SBF2: variants seen among roughly 807,000 people sequenced by gnomAD.
The protein encoded by SBF2 is myotubularin-related protein 13.
Under a neutral mutation model 225.2 loss-of-function variants are expected in SBF2, and 112 were observed. The observed-to-expected ratio is 0.50, with a 90% CI of 0.43 to 0.58. The LOEUF is 0.58. SBF2 is among the 20% of genes least tolerant of loss of function. SBF2 has a pLI of 0.00. For synonymous variants in SBF2, 763 were observed against 773.3 expected, an observed-to-expected ratio of 0.99 and a Z score of 0.22; for missense variants, 1,996 against 2,206.2, an observed-to-expected ratio of 0.90 and a Z score of 1.91.
chr11:9,972,257 A>G (rs889643388), intron 13 of SBF2, among the ~76,000 whole-genome samples: 1 of 152,172 alleles, frequency 6.6e-6, no homozygotes, highest in Admixed American at 6.5e-5. Context: ...GTTAGAACAC[A>G]CAAACACACA....
At chr11:9,867,397 C>T (rs1351519228) in intron 17 of SBF2, among the ~76,000 whole-genome samples, 2 of 151,900 alleles carry the variant, frequency 1.3e-5, no homozygotes, top group Admixed American at 1.3e-4. Context: ...TAACAGATGC[C>T]GGTAAGGACA....
chr11:10,020,612 G>A (rs1203844863), intron 6 of SBF2, among the ~76,000 whole-genome samples: 1 of 152,090 alleles, frequency 6.6e-6, no homozygotes, highest in East Asian at 1.9e-4. Context: ...CTCTCACTCT[G>A]CCTTAGGCCC....
At chr11:10,223,397 CATTA>C (rs1353816774) in intron 1 of SBF2, among the ~76,000 whole-genome samples, 1 of 61,144 alleles carries the variant, frequency 1.6e-5, no homozygotes, top group Non-Finnish European at 3.3e-5. Context: ...ATATTTTGCA[CATTA>C]TATATATATA....
intron 15 of SBF2, among the ~76,000 whole-genome samples, chr11:9,963,559 A>G (rs1483184875): frequency 6.6e-6 from 1 of 152,216 alleles, no homozygotes; most frequent in African/African-American, 2.4e-5. Flanking sequence ...GACAGAAAAA[A>G]TTACTATGAA....
chr11:9,791,731 C>G (rs1021679128), intron 33 of SBF2, among the ~76,000 whole-genome samples: 34 of 152,236 alleles, frequency 2.2e-4, no homozygotes, highest in African/African-American at 8.2e-4. Context: ...ATTTTGAAAG[C>G]CACCTTGTAT....
chr11:9,808,138 A>G lies in SBF2; in HGVS notation c.4305T>C (p.Leu1435=), dbSNP rs1219329129. The G allele has an allele frequency of 6.2e-7, 1 of 1,614,170 alleles. No individual in the cohort carries two copies. The highest frequency in any genetic ancestry group is 1.7e-5 in the Admixed American group (1 of 60,024). ...QLLSDPFYRT[L]EGFQMLVEKE... ...TTTCAACCAACATCTGGAAGCCTTC[A>G]AGTGTCCTATAAAAGGGATCACTGA... Residue 1435 remains leucine (L), a synonymous_variant, in exon 32 of 40, where the codon CTT becomes CTC. Transcript: ENST00000256190.
intron 2 of SBF2, among the ~76,000 whole-genome samples, chr11:10,123,561 A>C (rs193111735): frequency 1.4e-3 from 213 of 152,220 alleles, no homozygotes; most frequent in Non-Finnish European, 2.7e-3. Context: ...TCCCTACTTG[A>C]AAAAAGAGAG....
chr11:10,170,622 C>A (rs1956146188), intron 2 of SBF2, among the ~76,000 whole-genome samples: 1 of 151,780 alleles, frequency 6.6e-6, no homozygotes, highest in South Asian at 2.1e-4. Context: ...ATAGCTTTGG[C>A]TATTCTGGGT....
chr11:9,880,946 T>C (rs895849236), intron 17 of SBF2, among the ~76,000 whole-genome samples: 51 of 152,290 alleles, frequency 3.3e-4, no homozygotes, highest in African/African-American at 1.1e-3. Context: ...AGGAAACCTA[T>C]AATTTATTTA....
In SBF2 at chr11:9,809,179, CTT is replaced by C; in HGVS notation, c.4156-179_4156-178del. Reference sequence around the variant, plus strand: ...TTCAAATCAAGATTAAACAATGACACTTTTGACTGGATGCAATGACTCATGCC... The same window carrying C: ...TTCAAATCAAGATTAAACAATGACACTTGACTGGATGCAATGACTCATGCC... On this transcript the variant is annotated intron_variant, in intron 30 of 39. Coordinates refer to ENST00000256190, the MANE Select transcript of SBF2 (RefSeq NM_030962.4). 5.2e-6 allele frequency: 3 copies of C among 577,098 alleles called. No individual in the cohort carries two copies. The South Asian group carries it at 5.8e-5, about 11-fold the overall frequency. The allele number at this position is 577,098 out of a possible 1,614,324, so 35.7% of individuals were successfully genotyped here. A position where few individuals can be genotyped will look rare whatever the true frequency, so the allele number is the denominator to read the frequency against.
At chr11:9,976,131 T>A (rs1315130076) in intron 13 of SBF2, among the ~76,000 whole-genome samples, 3 of 148,642 alleles carry the variant, frequency 2.0e-5, no homozygotes, top group Non-Finnish European at 3.0e-5. Flanking sequence ...TGGAGTGCAA[T>A]GACGTGATCT....
intron 4 of SBF2, 55 bp downstream of exon 4, chr11:10,030,993 T>C (rs567714189): frequency 1.4e-6 from 2 of 1,471,304 alleles, no homozygotes; most frequent in African/African-American, 1.4e-5. Context: ...CCATGGTTCA[T>C]TCAAGAGACT....
chr11:10,092,828 T>C (rs1951838061), intron 2 of SBF2, among the ~76,000 whole-genome samples: 1 of 152,154 alleles, frequency 6.6e-6, no homozygotes, highest in African/African-American at 2.4e-5. Context: ...GAATGCAGTG[T>C]AGGCAATTTT....
chr11:10,291,518 G>C (rs376862801), intron 1 of SBF2, among the ~76,000 whole-genome samples: 5 of 152,074 alleles, frequency 3.3e-5, no homozygotes, highest in African/African-American at 4.8e-5. Flanking sequence ...TATAATCCGC[G>C]AGCTCCCCTT....
At chr11:10,167,207 T>C (rs1327557157) in intron 2 of SBF2, among the ~76,000 whole-genome samples, 2 of 152,194 alleles carry the variant, frequency 1.3e-5, no homozygotes, top group Non-Finnish European at 2.9e-5. Context: ...TAATGGTTAA[T>C]TTAACGCAAG....
At chr11:9,992,137 T>C (rs997025383) in intron 12 of SBF2, among the ~76,000 whole-genome samples, 10 of 152,126 alleles carry the variant, frequency 6.6e-5, no homozygotes, top group Non-Finnish European at 1.5e-4. Context: ...AATTCTGAGA[T>C]TTTAGTGCAC....
intron 26 of SBF2, chr11:9,838,562 C>T (rs1275765049): frequency 6.6e-6 from 1 of 152,186 alleles, no homozygotes; most frequent in Non-Finnish European, 1.5e-5. Flanking sequence ...AATCTCAAAA[C>T]TATATTCCCA....
intron 2 of SBF2, among the ~76,000 whole-genome samples, chr11:10,121,460 T>C (rs1319397031): frequency 1.3e-5 from 2 of 152,210 alleles, no homozygotes; most frequent in Non-Finnish European, 2.9e-5. Flanking sequence ...TTAACACTGT[T>C]AAAGGAAAGA....
At chr11:9,931,871 C>A (rs1447251207) in intron 16 of SBF2, among the ~76,000 whole-genome samples, 6 of 152,088 alleles carry the variant, frequency 3.9e-5, no homozygotes, top group African/African-American at 1.4e-4. Context: ...CGCAAGGAAG[C>A]TAAAAACTTG....
Sources: allele counts gnomAD v4.1 joint callset (sites outside exome capture counted in the v4.1 genomes callset), GRCh38; gene constraint gnomAD v4.1.1; transcripts MANE v1.5; gene names NCBI Gene and HGNC (gene_info 2026-07-23, HGNC 2026-07-21).